Variants in FCHSD2 observed in about 807,000 individuals in gnomAD.
FCHSD2 encodes the protein FCH and double SH3 domains 2.
Under a neutral mutation model 108.1 loss-of-function variants are expected in FCHSD2, and 38 were observed. The observed-to-expected ratio is 0.35, with a 90% CI of 0.27 to 0.46. FCHSD2 has a LOEUF of 0.46. Ranked by LOEUF, FCHSD2 falls within the 20% of genes least tolerant of loss-of-function variation. The pLI, the probability that FCHSD2 is intolerant of heterozygous loss-of-function variation, is 1.00. For missense variants in FCHSD2, 751 were observed against 897.8 expected, an observed-to-expected ratio of 0.84 and a Z score of 2.09; for synonymous variants, 279 against 314.7, an observed-to-expected ratio of 0.89 and a Z score of 1.20.
chr11:73,085,088 T>G (rs1312239760), intron 2 of FCHSD2, among the ~76,000 whole-genome samples: 1 of 152,232 alleles, frequency 6.6e-6, no homozygotes, highest in Non-Finnish European at 1.5e-5. Flanking sequence ...GTTTAAGATC[T>G]TACTATATTT....
intron 13 of FCHSD2, among the ~76,000 whole-genome samples, chr11:72,850,756 G>C (rs1400347540): frequency 3.3e-5 from 5 of 151,964 alleles, no homozygotes; most frequent in Non-Finnish European, 7.4e-5. Flanking sequence ...TGACTGACAA[G>C]GGCCTCTAAA....
chr11:72,973,270 G>A (rs940705670), intron 8 of FCHSD2, among the ~76,000 whole-genome samples: 12 of 152,054 alleles, frequency 7.9e-5, no homozygotes, highest in African/African-American at 2.9e-4. Flanking sequence ...AGGAGGCTGA[G>A]GCAGGAGAAT....
At chr11:72,987,958 T>C (rs150436386) in intron 6 of FCHSD2, among the ~76,000 whole-genome samples, 6 of 152,280 alleles carry the variant, frequency 3.9e-5, no homozygotes, top group African/African-American at 1.4e-4. Context: ...TAAAACAAAT[T>C]AGAGAAATAT....
chr11:72,996,207 T>C (rs1237801707), intron 5 of FCHSD2, among the ~76,000 whole-genome samples: 2 of 152,252 alleles, frequency 1.3e-5, no homozygotes, highest in African/African-American at 4.8e-5. Flanking sequence ...AGTAGTAGTA[T>C]ATTCAAGTTC....
intron 13 of FCHSD2, among the ~76,000 whole-genome samples, chr11:72,855,900 A>T (rs1861415911): frequency 6.6e-6 from 1 of 152,238 alleles, no homozygotes; most frequent in South Asian, 2.1e-4. Flanking sequence ...TACTCTTTGA[A>T]CTATTAGAAT....
chr11:73,017,099 C>T (rs192428711), intron 3 of FCHSD2, among the ~76,000 whole-genome samples: 20 of 152,240 alleles, frequency 1.3e-4, no homozygotes, highest in Admixed American at 1.3e-3. Context: ...CCTCCCAACT[C>T]AGCCTCCCAA....
At chr11:72,900,864 T>G (rs1855512570) in intron 10 of FCHSD2, among the ~76,000 whole-genome samples, 1 of 152,212 alleles carries the variant, frequency 6.6e-6, no homozygotes, top group African/African-American at 2.4e-5. Flanking sequence ...ATAAACTCCC[T>G]TGGTTCTGGT....
intron 2 of FCHSD2, among the ~76,000 whole-genome samples, chr11:73,096,831 CAA>C (rs1187475882): frequency 6.8e-5 from 8 of 117,930 alleles, no homozygotes; most frequent in Admixed American, 8.5e-5. Context: ...TGTCTCAAAA[CAA>C]AAAAAAAAAA....
chr11:73,089,340 T>C (rs763833244), intron 2 of FCHSD2, among the ~76,000 whole-genome samples: 3 of 152,174 alleles, frequency 2.0e-5, no homozygotes, highest in African/African-American at 7.2e-5. Context: ...AGTGGAAAAG[T>C]AAATGGTGCA....
intron 8 of FCHSD2, among the ~76,000 whole-genome samples, chr11:72,976,781 T>A (rs1283998462): frequency 1.3e-5 from 2 of 152,000 alleles, no homozygotes; most frequent in African/African-American, 4.8e-5. Flanking sequence ...TCAACAATGG[T>A]GCTAAGAACA....
intron 2 of FCHSD2, among the ~76,000 whole-genome samples, chr11:73,088,800 T>G (rs1859885744): frequency 6.6e-6 from 1 of 152,156 alleles, no homozygotes; most frequent in South Asian, 2.1e-4. Flanking sequence ...TAAAAACCTC[T>G]AAAAAGCCTA....
At chr11:72,901,622 G>A (rs1855527628) in intron 10 of FCHSD2, among the ~76,000 whole-genome samples, 1 of 151,914 alleles carries the variant, frequency 6.6e-6, no homozygotes, top group Non-Finnish European at 1.5e-5. Context: ...AAGTGACAGT[G>A]AATCAATCTC....
intron 12 of FCHSD2, among the ~76,000 whole-genome samples, chr11:72,870,638 C>T (rs1250893341): frequency 2.0e-5 from 3 of 152,054 alleles, no homozygotes; most frequent in African/African-American, 7.2e-5. Context: ...CGGTGGCTCA[C>T]GCCTGTAATC....
intron 2 of FCHSD2, among the ~76,000 whole-genome samples, chr11:73,108,374 T>C (rs532701254): frequency 2.0e-5 from 3 of 152,354 alleles, no homozygotes; most frequent in African/African-American, 7.2e-5. Context: ...ACTTTGTTGA[T>C]TGTTTCCTTT....
intron 5 of FCHSD2, among the ~76,000 whole-genome samples, chr11:72,997,013 C>G (rs1340877806): frequency 1.3e-5 from 2 of 152,094 alleles, no homozygotes; most frequent in Non-Finnish European, 2.9e-5. Flanking sequence ...GCCAAAAGAA[C>G]AGGAACTTGA....
chr11:72,976,230 T>C (rs570998727), intron 8 of FCHSD2, among the ~76,000 whole-genome samples: 144 of 152,170 alleles, frequency 9.5e-4, no homozygotes, highest in Non-Finnish European at 1.7e-3. Context: ...AAGAAATAAA[T>C]AGTATTTCTT....
chr11:73,099,817 C>T (rs557446435), intron 2 of FCHSD2, among the ~76,000 whole-genome samples: 1 of 152,248 alleles, frequency 6.6e-6, no homozygotes, highest in Non-Finnish European at 1.5e-5. Flanking sequence ...CGAAGGGAAG[C>T]CAGGAGAGGC....
intron 2 of FCHSD2, among the ~76,000 whole-genome samples, chr11:73,086,129 T>C (rs1317285858): frequency 6.6e-6 from 1 of 152,220 alleles, no homozygotes; most frequent in East Asian, 1.9e-4. Flanking sequence ...AAGATGAGGC[T>C]GGGCTCAGTG....
chr11:73,125,606 G>A (rs1860836235), intron 2 of FCHSD2, among the ~76,000 whole-genome samples: 5 of 152,116 alleles, frequency 3.3e-5, no homozygotes, highest in Admixed American at 3.3e-4. Context: ...TCAGGAGGCT[G>A]AGGCAAGAGG....
Sources: allele counts gnomAD v4.1 joint callset (sites outside exome capture counted in the v4.1 genomes callset), GRCh38; gene constraint gnomAD v4.1.1; transcripts MANE v1.5; gene names NCBI Gene and HGNC (gene_info 2026-07-23, HGNC 2026-07-21).